Variants in RBFOX1 observed in about 807,000 individuals in gnomAD.
RBFOX1 encodes the protein RNA binding protein fox-1 homolog 1.
A neutral mutation model predicts 57.7 loss-of-function variants in RBFOX1; 8 were observed. The ratio of observed to expected loss-of-function variants is 0.14; its 90% CI spans 0.08 to 0.25. The LOEUF (loss-of-function observed/expected upper bound fraction) is 0.25. Among genes scored for constraint, RBFOX1 ranks in the 10% least tolerant of loss-of-function variants. The pLI, the probability that RBFOX1 is intolerant of heterozygous loss-of-function variation, is 1.00. For synonymous variants in RBFOX1, 326 were observed against 222.4 expected (o/e 1.47, Z -4.15); for missense variants, 611 against 548.5 (o/e 1.11, Z -1.14).
At chr16:7,314,697 A>G (rs2096397994) in intron 4 of RBFOX1, among the ~76,000 whole-genome samples, 1 of 152,288 alleles carries the variant, frequency 6.6e-6, no homozygotes, top group South Asian at 2.1e-4. Flanking sequence ...TTCAGATCAC[A>G]TTAGAATCCT....
chr16:5,964,013 A>T (rs540202794), intron 4 of RBFOX1, among the ~76,000 whole-genome samples: 1 of 152,232 alleles, frequency 6.6e-6, no homozygotes, highest in Admixed American at 6.5e-5. Context: ...CTGATAAGTG[A>T]TTAATATCTG....
chr16:6,891,755 C>G (rs2065477378), intron 3 of RBFOX1, among the ~76,000 whole-genome samples: 2 of 152,174 alleles, frequency 1.3e-5, no homozygotes, highest in South Asian at 4.1e-4. Context: ...TGCAATCTGT[C>G]TTCAATCCAA....
chr16:6,884,302 A>C (rs1267367928), intron 3 of RBFOX1, among the ~76,000 whole-genome samples: 1 of 152,194 alleles, frequency 6.6e-6, no homozygotes. Context: ...AAGCAACTGC[A>C]GCTCTGAGCC....
chr16:6,740,128 G>C (rs974631004), intron 3 of RBFOX1, among the ~76,000 whole-genome samples: 2 of 152,128 alleles, frequency 1.3e-5, no homozygotes, highest in African/African-American at 4.8e-5. Context: ...AAAATCAATT[G>C]ATGTTATTCA....
chr16:6,985,832 T>TAAA (rs565941451), intron 3 of RBFOX1, among the ~76,000 whole-genome samples: 15 of 99,838 alleles, frequency 1.5e-4, no homozygotes, highest in African/African-American at 4.7e-4. Flanking sequence ...TGAGTTCATG[T>TAAA]AAAAAAAAAA....
chr16:6,670,396 A>G (rs557460033), intron 3 of RBFOX1, among the ~76,000 whole-genome samples: 2 of 152,130 alleles, frequency 1.3e-5, no homozygotes, highest in African/African-American at 2.4e-5. Flanking sequence ...AATTTGATCT[A>G]TTCAGATTGA....
chr16:5,391,448 C>T (rs906278431), intron 1 of RBFOX1, among the ~76,000 whole-genome samples: 1 of 152,178 alleles, frequency 6.6e-6, no homozygotes, highest in Non-Finnish European at 1.5e-5. Context: ...ATCCTTCTCA[C>T]ACTCCACATG....
At chr16:7,275,826 T>A (rs991319802) in intron 4 of RBFOX1, among the ~76,000 whole-genome samples, 2 of 152,068 alleles carry the variant, frequency 1.3e-5, no homozygotes, top group African/African-American at 4.8e-5. Context: ...AGTTTAGAGG[T>A]AGATGAGGCT....
At chr16:6,905,551 T>TG (rs1478496305) in intron 3 of RBFOX1, among the ~76,000 whole-genome samples, 1 of 67,044 alleles carries the variant, frequency 1.5e-5, no homozygotes, top group Admixed American at 1.6e-4. Flanking sequence ...AGACTCCATC[T>TG]CAAAAAAAAA....
chr16:5,846,252 G>C (rs2056754599), intron 3 of RBFOX1, among the ~76,000 whole-genome samples: 1 of 151,998 alleles, frequency 6.6e-6, no homozygotes, highest in South Asian at 2.1e-4. Flanking sequence ...TCATGGTGGA[G>C]GCCCAGTAGT....
At chr16:7,054,801 T>A (rs1054150147) in intron 4 of RBFOX1, among the ~76,000 whole-genome samples, 4 of 152,186 alleles carry the variant, frequency 2.6e-5, no homozygotes, top group African/African-American at 9.7e-5. Context: ...TGTGGCCGTG[T>A]TATCATGTCG....
At chr16:5,462,021 A>C (rs1476273994) in intron 1 of RBFOX1, among the ~76,000 whole-genome samples, 1 of 152,034 alleles carries the variant, frequency 6.6e-6, no homozygotes, top group South Asian at 2.1e-4. Context: ...TTCCACTCCC[A>C]CCAGTGGTGT....
At chr16:7,689,251 CA>C (rs1217658093) in intron 14 of RBFOX1, among the ~76,000 whole-genome samples, 1 of 152,092 alleles carries the variant, frequency 6.6e-6, no homozygotes, top group African/African-American at 2.4e-5. Flanking sequence ...TTGGCCATTT[CA>C]TCATTTTTCA....
chr16:6,394,318 A>T (rs975900044), intron 2 of RBFOX1, among the ~76,000 whole-genome samples: 3 of 152,200 alleles, frequency 2.0e-5, no homozygotes, highest in Non-Finnish European at 4.4e-5. Context: ...AAGTGCTGAG[A>T]TCCACAGATG....
At chr16:6,700,961 G>A (rs1263999118) in intron 3 of RBFOX1, among the ~76,000 whole-genome samples, 1 of 152,050 alleles carries the variant, frequency 6.6e-6, no homozygotes, top group East Asian at 1.9e-4. Flanking sequence ...ATAATCAGAA[G>A]GCATTGGGGG....
At chr16:7,053,598 C>T (rs978043431) in intron 4 of RBFOX1, among the ~76,000 whole-genome samples, 2 of 152,162 alleles carry the variant, frequency 1.3e-5, no homozygotes. Flanking sequence ...ATGACACTTG[C>T]TTGGCAAGTT....
chr16:5,453,510 T>A (rs1224526209), intron 1 of RBFOX1, among the ~76,000 whole-genome samples: 2 of 152,164 alleles, frequency 1.3e-5, no homozygotes, highest in Non-Finnish European at 2.9e-5. Context: ...CAACAATTCA[T>A]GCTCTGGTGT....
chr16:5,914,308 G>C (rs894513094), intron 4 of RBFOX1, among the ~76,000 whole-genome samples: 2 of 151,786 alleles, frequency 1.3e-5, no homozygotes, highest in East Asian at 3.8e-4. Context: ...CCCAATTTTT[G>C]TTGGGTCAGA....
In RBFOX1 at chr16:5,311,405, G is replaced by A. The variant is rs142265937; in HGVS notation, c.219+71300G>A. 7.6e-3 allele frequency among the ~76,000 whole-genome samples: 1,152 copies of A among 152,042 alleles called. 13 individuals carry two copies. The highest frequency in any genetic ancestry group is 0.012 in the Non-Finnish European group (814 of 67,984). On this transcript the variant is annotated intron_variant, in intron 1 of 2. Coordinates refer to the RBFOX1 transcript ENST00000585867. ...TCTTGCTATCATGACTTCTCTTTTG[G>A]GTGGGTACCCAGTAGTGGGATTGCT...
Sources: gnomAD v4.1 joint callset for allele counts (sites outside exome capture counted in the v4.1 genomes callset) on GRCh38, gnomAD v4.1.1 for gene constraint, MANE v1.5 for transcripts, NCBI Gene and HGNC (gene_info 2026-07-23, HGNC 2026-07-21) for gene names.